Variants in DSCAM observed in about 807,000 individuals in gnomAD.
DSCAM encodes cell adhesion molecule DSCAM.
DSCAM carries 47 observed loss-of-function variants against 217.7 expected under a neutral mutation model. That is an observed-to-expected ratio of 0.22 (90% CI 0.17 to 0.28). DSCAM has a LOEUF of 0.28. DSCAM is among the 10% of genes least tolerant of loss of function. DSCAM has a pLI of 1.00. For synonymous variants in DSCAM, 1,056 were observed against 1,015.3 expected (o/e 1.04, Z -0.76); for missense variants, 2,080 against 2,618.3 (o/e 0.79, Z 4.49).
chr21:40,382,702 G>A lies in DSCAM; in HGVS notation c.509-13457C>T, dbSNP rs897106747. ...CTCCACTGCCTTTTGGTTTCAAATAGTCTGACCCCATGAGAATCTTTGAGA... is the reference window on the plus strand; with the variant it reads ...CTCCACTGCCTTTTGGTTTCAAATAATCTGACCCCATGAGAATCTTTGAGA... On this transcript the variant is annotated intron_variant, in intron 3 of 32. Coordinates refer to ENST00000400454, the MANE Select transcript of DSCAM (RefSeq NM_001389.5). Among the ~76,000 whole-genome samples the A allele has an allele frequency of 3.3e-5, 5 of 152,146 alleles. No homozygotes were observed. In the South Asian group the frequency reaches 1.0e-3, roughly 32 times the overall value.
chr21:40,485,537 C>T (rs185306131), intron 3 of DSCAM, among the ~76,000 whole-genome samples: 239 of 152,160 alleles, frequency 1.6e-3, no homozygotes, highest in Non-Finnish European at 2.8e-3. Flanking sequence ...CCACCGCGCC[C>T]GGCCCACACT....
chr21:40,358,321 T>C (rs2074718421), intron 4 of DSCAM, among the ~76,000 whole-genome samples: 1 of 152,138 alleles, frequency 6.6e-6, no homozygotes, highest in Admixed American at 6.5e-5. Context: ...TGGAAAATAA[T>C]TTAGAACCTT....
chr21:40,192,711 C>T (rs2090965120), intron 11 of DSCAM, among the ~76,000 whole-genome samples: 1 of 152,098 alleles, frequency 6.6e-6, no homozygotes, highest in Admixed American at 6.5e-5. Context: ...TTTCACTAAG[C>T]ATAATGTTGT....
intron 11 of DSCAM, among the ~76,000 whole-genome samples, chr21:40,205,084 T>C (rs2091109729): frequency 6.6e-6 from 1 of 152,238 alleles, no homozygotes. Flanking sequence ...GGAGGTATTT[T>C]ATGACCCAGC....
At chr21:40,145,756 A>T (rs9977928) in intron 16 of DSCAM, among the ~76,000 whole-genome samples, 71,648 of 151,616 alleles carry the variant, frequency 0.47, 19,561 homozygotes, top group South Asian at 0.63. Flanking sequence ...AAAATGGGAG[A>T]ATCACTTGAA....
chr21:40,563,670 ATATGTT>A (rs1394757402), intron 3 of DSCAM, among the ~76,000 whole-genome samples: 2 of 126,660 alleles, frequency 1.6e-5, no homozygotes, highest in Admixed American at 8.4e-5. Context: ...TTGTTTATAT[ATATGTT>A]TATATGTTTA....
chr21:40,030,735 T>C (rs140997731), intron 32 of DSCAM, among the ~76,000 whole-genome samples: 1 of 152,284 alleles, frequency 6.6e-6, no homozygotes, highest in Non-Finnish European at 1.5e-5. Context: ...GAAATCCAGG[T>C]CTCTCTGAGG....
chr21:40,551,835 T>C (rs368080525), intron 3 of DSCAM, among the ~76,000 whole-genome samples: 1 of 152,154 alleles, frequency 6.6e-6, no homozygotes, highest in South Asian at 2.1e-4. Context: ...AAAGGCAGAG[T>C]GTATAATGAG....
intron 32 of DSCAM, among the ~76,000 whole-genome samples, chr21:40,039,438 A>G (rs965286992): frequency 6.6e-6 from 1 of 152,128 alleles, no homozygotes; most frequent in Non-Finnish European, 1.5e-5. Flanking sequence ...CAATTTAACC[A>G]GTTGGTTTTG....
chr21:40,780,660 T>C (rs2091535884), intron 1 of DSCAM, among the ~76,000 whole-genome samples: 1 of 151,874 alleles, frequency 6.6e-6, no homozygotes, highest in African/African-American at 2.4e-5. Context: ...TGTTCCAATC[T>C]GACTGGTGTC....
chr21:40,396,021 A>G (rs1295945891), intron 3 of DSCAM, among the ~76,000 whole-genome samples: 1 of 152,144 alleles, frequency 6.6e-6, no homozygotes, highest in Non-Finnish European at 1.5e-5. Flanking sequence ...GCCTGTGCCT[A>G]CGGAAGCGGG....
chr21:40,105,247 C>T (rs1198701034), intron 20 of DSCAM, among the ~76,000 whole-genome samples: 1 of 152,142 alleles, frequency 6.6e-6, no homozygotes, highest in Non-Finnish European at 1.5e-5. Flanking sequence ...GACAAACAAC[C>T]ACTGAGAACA....
At chr21:40,652,075 G>A (rs907281785) in intron 3 of DSCAM, among the ~76,000 whole-genome samples, 2 of 151,388 alleles carry the variant, frequency 1.3e-5, no homozygotes, top group African/African-American at 4.9e-5. Context: ...TTATAAAGGA[G>A]TGAGAAAGTC....
chr21:40,816,977 T>G (rs1164701577), intron 1 of DSCAM, among the ~76,000 whole-genome samples: 2 of 152,338 alleles, frequency 1.3e-5, no homozygotes, highest in East Asian at 3.9e-4. Context: ...GAGGTGAATT[T>G]CATAGCCTTT....
At chr21:40,693,733 T>A (rs2090565975) in intron 2 of DSCAM, among the ~76,000 whole-genome samples, 1 of 152,162 alleles carries the variant, frequency 6.6e-6, no homozygotes, top group South Asian at 2.1e-4. Context: ...GAAACACTGA[T>A]CCTGCTTCCC....
intron 3 of DSCAM, among the ~76,000 whole-genome samples, chr21:40,470,219 T>C (rs2075876772): frequency 6.6e-6 from 1 of 152,250 alleles, no homozygotes; most frequent in Non-Finnish European, 1.5e-5. Context: ...ACAAAGCTTT[T>C]CAGCCAATGA....
At chr21:40,498,502 C>A (rs1334288548) in intron 3 of DSCAM, among the ~76,000 whole-genome samples, 1 of 151,002 alleles carries the variant, frequency 6.6e-6, no homozygotes, top group African/African-American at 2.4e-5. Flanking sequence ...TATAAACCAG[C>A]AAGATTATAA....
intron 4 of DSCAM, among the ~76,000 whole-genome samples, chr21:40,361,205 A>G (rs572166678): frequency 3.0e-4 from 45 of 152,096 alleles, no homozygotes; most frequent in Non-Finnish European, 5.6e-4. Context: ...GACAAAAATA[A>G]TATGACGCAT....
chr21:40,834,974 T>A (rs927456861), intron 1 of DSCAM, among the ~76,000 whole-genome samples: 2 of 152,194 alleles, frequency 1.3e-5, no homozygotes, highest in Non-Finnish European at 2.9e-5. Flanking sequence ...AAACTTAACC[T>A]GCCTTGGCCA....
Sources: gnomAD v4.1 joint callset for allele counts (sites outside exome capture counted in the v4.1 genomes callset) on GRCh38, gnomAD v4.1.1 for gene constraint, MANE v1.5 for transcripts, NCBI Gene and HGNC (gene_info 2026-07-23, HGNC 2026-07-21) for gene names.